KCNH7: variants seen among roughly 807,000 people sequenced by gnomAD.
The protein encoded by KCNH7 is voltage-gated inwardly rectifying potassium channel KCNH7.
KCNH7 carries 49 observed loss-of-function variants against 120.8 expected under a neutral mutation model. That is an observed-to-expected ratio of 0.41 (90% CI 0.32 to 0.51). The LOEUF is 0.51. Ranked by LOEUF, KCNH7 falls within the 20% of genes least tolerant of loss-of-function variation. KCNH7 has a pLI of 0.38. For synonymous variants in KCNH7, 547 were observed against 516.1 expected (o/e 1.06, Z -0.81); for missense variants, 1,097 against 1,446.6 (o/e 0.76, Z 3.92).
chr2:162,426,420 A>T lies in KCNH7; in HGVS notation c.1955-2885T>A, dbSNP rs572947068. ...TTGATGCCCAACTGGCAAAAATATCAATCAAAAGCAAGTTGACAGACTATG... is the reference window on the plus strand; with the variant it reads ...TTGATGCCCAACTGGCAAAAATATCTATCAAAAGCAAGTTGACAGACTATG... On this transcript the variant is annotated intron_variant, in intron 8 of 15. Coordinates refer to ENST00000332142, the MANE Select transcript of KCNH7 (RefSeq NM_033272.4). 4.5e-4 allele frequency among the ~76,000 whole-genome samples: 68 copies of T among 152,262 alleles called. 1 individual carries two copies. Among genetic ancestry groups the T allele is most frequent in the South Asian group, 1.7e-3 (8 of 4,822 alleles).
chr2:162,473,669 T>C (rs1184289157), intron 6 of KCNH7, among the ~76,000 whole-genome samples: 2 of 152,208 alleles, frequency 1.3e-5, no homozygotes, highest in Non-Finnish European at 2.9e-5. Context: ...GGCTAGGCTC[T>C]GTGGATACAG....
At chr2:162,418,725 C>T (rs1029755387) in intron 9 of KCNH7, among the ~76,000 whole-genome samples, 1 of 152,058 alleles carries the variant, frequency 6.6e-6, no homozygotes, top group Admixed American at 6.6e-5. Context: ...ACTGCTCTGA[C>T]AGATCATAGA....
intron 2 of KCNH7, among the ~76,000 whole-genome samples, chr2:162,751,058 A>G (rs757491913): frequency 6.6e-6 from 1 of 151,878 alleles, no homozygotes; most frequent in Non-Finnish European, 1.5e-5. Flanking sequence ...TTTCCTGAGC[A>G]CTCTTACAAG....
intron 2 of KCNH7, among the ~76,000 whole-genome samples, chr2:162,785,795 GC>G (rs1683678880): frequency 6.6e-6 from 1 of 152,008 alleles, no homozygotes; most frequent in South Asian, 2.1e-4. Flanking sequence ...GTTTTTAGGG[GC>G]AACTTTTTCA....
intron 2 of KCNH7, among the ~76,000 whole-genome samples, chr2:162,614,424 G>C (rs954393514): frequency 1.3e-5 from 2 of 151,722 alleles, no homozygotes; most frequent in Non-Finnish European, 2.9e-5. Context: ...AGAATCATCA[G>C]AGTAGCACCG....
chr2:162,830,123 G>A (rs1457570687), intron 2 of KCNH7, among the ~76,000 whole-genome samples: 1 of 152,152 alleles, frequency 6.6e-6, no homozygotes, highest in African/African-American at 2.4e-5. Context: ...GGAACATCAG[G>A]AAGGATTTCA....
At chr2:162,596,821 T>C (rs539584526) in intron 2 of KCNH7, among the ~76,000 whole-genome samples, 1 of 152,104 alleles carries the variant, frequency 6.6e-6, no homozygotes, top group South Asian at 2.1e-4. Context: ...AAGGGGTTAG[T>C]ATCCAAAATA....
chr2:162,647,373 C>T (rs1459376507), intron 2 of KCNH7, among the ~76,000 whole-genome samples: 1 of 152,148 alleles, frequency 6.6e-6, no homozygotes, highest in Non-Finnish European at 1.5e-5. Flanking sequence ...ATGAGGCTTT[C>T]ACAGTATGTA....
At chr2:162,758,140 T>G (rs1688849671) in intron 2 of KCNH7, among the ~76,000 whole-genome samples, 1 of 152,082 alleles carries the variant, frequency 6.6e-6, no homozygotes, top group Non-Finnish European at 1.5e-5. Flanking sequence ...AGTAAATATA[T>G]GTTGAAGAAA....
intron 2 of KCNH7, among the ~76,000 whole-genome samples, chr2:162,611,876 A>G (rs1682978118): frequency 6.6e-6 from 1 of 152,162 alleles, no homozygotes; most frequent in Admixed American, 6.5e-5. Context: ...TGGGATAGTC[A>G]AGGGATTCTT....
chr2:162,560,652 TTAGA>T (rs1257314903), intron 2 of KCNH7, among the ~76,000 whole-genome samples: 1 of 152,202 alleles, frequency 6.6e-6, no homozygotes, highest in Non-Finnish European at 1.5e-5. Flanking sequence ...TGAAAATGAA[TTAGA>T]TAATTTTTAG....
At chr2:162,428,140 T>C (rs1265972540) in intron 8 of KCNH7, among the ~76,000 whole-genome samples, 1 of 151,708 alleles carries the variant, frequency 6.6e-6, no homozygotes, top group Non-Finnish European at 1.5e-5. Flanking sequence ...CTTAAAGCTA[T>C]AGATTTATCA....
At chr2:162,823,619 A>T (rs997989545) in intron 2 of KCNH7, among the ~76,000 whole-genome samples, 2 of 152,296 alleles carry the variant, frequency 1.3e-5, no homozygotes, top group East Asian at 3.9e-4. Context: ...TCATAGTATA[A>T]TAATGTCATT....
At chr2:162,828,278 A>G (rs1182259509) in intron 2 of KCNH7, among the ~76,000 whole-genome samples, 1 of 152,138 alleles carries the variant, frequency 6.6e-6, no homozygotes, top group Admixed American at 6.6e-5. Context: ...TTTAGCACAA[A>G]TGGATTTTTA....
intron 6 of KCNH7, among the ~76,000 whole-genome samples, chr2:162,479,971 A>G (rs1689874218): frequency 6.6e-6 from 1 of 152,128 alleles, no homozygotes; most frequent in African/African-American, 2.4e-5. Flanking sequence ...AGGTATTGCA[A>G]ATGTAACTTG....
chr2:162,838,110 G>T (rs1031768139), intron 1 of KCNH7, among the ~76,000 whole-genome samples: 4 of 152,158 alleles, frequency 2.6e-5, no homozygotes, highest in African/African-American at 9.7e-5. Context: ...AAAGTCTACA[G>T]TAAAACAGCC....
intron 2 of KCNH7, among the ~76,000 whole-genome samples, chr2:162,654,753 G>T (rs1459866924): frequency 2.6e-5 from 4 of 152,030 alleles, no homozygotes; most frequent in African/African-American, 9.7e-5. Context: ...CAGATGAATG[G>T]GTAAAGAGAA....
At chr2:162,387,007 T>A (rs1033559791) in intron 12 of KCNH7, among the ~76,000 whole-genome samples, 4 of 151,298 alleles carry the variant, frequency 2.6e-5, no homozygotes, top group East Asian at 3.9e-4. Context: ...ATGGAGAAAA[T>A]TACTTCATAT....
In KCNH7 at chr2:162,446,443, C is replaced by A. The variant is rs200989075; in HGVS notation, c.1129G>T (p.Val377Phe). ...THNVTEKVTQ[V>F]LSLGADVLPE... ...AGGACATCTGCTCCTAAAGAGAGAA[C>A]CTGAATGTGCAAAAGAAAATCATAC... Residue 377 changes from valine to phenylalanine, a missense_variant and splice_region_variant, in exon 7 of 16, where the codon GTT (valine) becomes TTT (phenylalanine). Around this residue, in one of 8 missense-constraint regions of KCNH7, gnomAD observed 362 missense variants for 372.2 expected, o/e 0.97. Transcript: ENST00000332142. 2.9e-5 allele frequency: 47 copies of A among 1,595,170 alleles called. No homozygotes were observed. Among genetic ancestry groups the A allele is most frequent in the South Asian group, 5.6e-5 (5 of 88,512 alleles).
Sources: allele counts gnomAD v4.1 joint callset (sites outside exome capture counted in the v4.1 genomes callset), GRCh38; gene constraint gnomAD v4.1.1; regional missense constraint gnomAD v4.1.1; transcripts MANE v1.5; gene names NCBI Gene and HGNC (gene_info 2026-07-23, HGNC 2026-07-21).